Variants in ADCY8 observed in about 807,000 individuals in gnomAD.
ADCY8 encodes the protein adenylate cyclase type 8.
ADCY8 carries 51 observed loss-of-function variants against 119.7 expected under a neutral mutation model. The ratio of observed to expected loss-of-function variants is 0.43; its 90% CI spans 0.34 to 0.54. The LOEUF is 0.54. Ranked by LOEUF, ADCY8 falls within the 20% of genes least tolerant of loss-of-function variation. ADCY8 has a pLI of 0.03. For missense variants in ADCY8, 1,383 were observed against 1,598.8 expected (o/e 0.87, Z 2.30); for synonymous variants, 665 against 651.0 (o/e 1.02, Z -0.33).
chr8:130,840,751 G>T (rs1293746213), intron 11 of ADCY8, among the ~76,000 whole-genome samples: 1 of 152,094 alleles, frequency 6.6e-6, no homozygotes, highest in African/African-American at 2.4e-5. Flanking sequence ...AGAGAACTCT[G>T]ACTCCCATAT....
At chr8:130,781,138 A>G (rs537157644) in intron 17 of ADCY8, among the ~76,000 whole-genome samples, 12 of 152,356 alleles carry the variant, frequency 7.9e-5, no homozygotes, top group Non-Finnish European at 1.5e-4. Context: ...CCACTGTGGC[A>G]TGGTGCCTGG....
intron 5 of ADCY8, among the ~76,000 whole-genome samples, chr8:130,927,420 G>T (rs58121667): frequency 0.042 from 6,398 of 152,110 alleles, 421 homozygotes; most frequent in African/African-American, 0.15. Flanking sequence ...CAGGTCCTTT[G>T]CCCATTTTAA....
chr8:130,889,846 T>G (rs1344395845), intron 7 of ADCY8, among the ~76,000 whole-genome samples: 1 of 152,128 alleles, frequency 6.6e-6, no homozygotes, highest in African/African-American at 2.4e-5. Context: ...TTTTATGCAT[T>G]GAAACATGTA....
At chr8:130,900,009 G>A (rs1830917833) in intron 7 of ADCY8, among the ~76,000 whole-genome samples, 1 of 152,056 alleles carries the variant, frequency 6.6e-6, no homozygotes, top group African/African-American at 2.4e-5. Context: ...TAAACTTCTT[G>A]CCTTCTAGTT....
rs545003779 is a variant in ADCY8 at position 130,943,351 on chromosome 8, A to G, written c.1353T>C (p.His451=). 1 of 1,610,152 alleles carries G rather than the reference A, an allele frequency of 6.2e-7. No homozygotes were observed. Among genetic ancestry groups the G allele is most frequent in the South Asian group, 1.1e-5 (1 of 90,922 alleles). The change falls in exon 4 of 18, where the codon CAT becomes CAC. Residue 451 remains histidine, a splice_region_variant and synonymous_variant. Coordinates refer to ENST00000286355, the MANE Select transcript of ADCY8 (RefSeq NM_001115.3). The part of the protein sequence containing the change: ...ELFARFDRLA[H]EHHCLRIKIL... ...GAGGAGGAAATTAAATTCAACTCAC[A>G]TGGGCCAGTCGATCAAATCTGGCAA...
At chr8:130,969,920 G>A (rs1821872306) in intron 2 of ADCY8, among the ~76,000 whole-genome samples, 1 of 152,154 alleles carries the variant, frequency 6.6e-6, no homozygotes, top group African/African-American at 2.4e-5. Context: ...GAGCTTTATT[G>A]ATGCAGTGTC....
At chr8:130,979,277 C>T (rs770795309) in intron 2 of ADCY8, among the ~76,000 whole-genome samples, 4 of 152,152 alleles carry the variant, frequency 2.6e-5, no homozygotes, top group Non-Finnish European at 5.9e-5. Flanking sequence ...GCTACTGGGT[C>T]TTTTCCTCTG....
At chr8:130,921,873 A>G (rs1820319652) in intron 5 of ADCY8, among the ~76,000 whole-genome samples, 1 of 152,192 alleles carries the variant, frequency 6.6e-6, no homozygotes, top group African/African-American at 2.4e-5. Flanking sequence ...TTCATGTATT[A>G]GAAAGTCTCC....
intron 4 of ADCY8, 189 bp downstream of exon 4, chr8:130,943,162 C>T (rs1368787752): frequency 2.1e-6 from 1 of 478,234 alleles, no homozygotes; most frequent in Non-Finnish European, 3.7e-6. Flanking sequence ...ATCTGACAAA[C>T]CTCCTGCATG....
chr8:130,846,721 C>CCCTT (rs151049495), intron 11 of ADCY8, among the ~76,000 whole-genome samples: 17,799 of 125,102 alleles, frequency 0.14, 1,979 homozygotes, highest in East Asian at 0.2. Context: ...TCCTTCCTTC[C>CCCTT]CCTTCCTTCC....
chr8:130,917,349 T>G (rs1184429068), intron 5 of ADCY8, among the ~76,000 whole-genome samples: 1 of 152,232 alleles, frequency 6.6e-6, no homozygotes, highest in African/African-American at 2.4e-5. Context: ...ATTCCCATTT[T>G]ACAACCAAGG....
chr8:131,022,343 A>G (rs1823696989), intron 1 of ADCY8, among the ~76,000 whole-genome samples: 3 of 151,724 alleles, frequency 2.0e-5, no homozygotes, highest in Admixed American at 2.0e-4. Context: ...TCATTGCTCA[A>G]CTCCCACTTA....
At chr8:130,863,324 T>C (rs1435228307) in intron 9 of ADCY8, among the ~76,000 whole-genome samples, 1 of 152,088 alleles carries the variant, frequency 6.6e-6, no homozygotes, top group Non-Finnish European at 1.5e-5. Context: ...ATGGTATATT[T>C]CTTCATTTCT....
chr8:130,785,416 G>A lies in ADCY8; in HGVS notation c.3120C>T (p.Tyr1040=). The A allele has an allele frequency of 1.2e-6, 2 of 1,609,328 alleles. No homozygotes were observed. The highest frequency in any genetic ancestry group is 1.7e-6 in the Non-Finnish European group (2 of 1,177,754). ...IEKIKTIGST[Y]MAVSGLSPEK... is the part of the protein sequence containing the mutation. ...CAGGTGACAGGCCTGACACGGCCAT[G>A]TAGGTGCTGCCAATGGTCTTAATCT... The change falls in exon 16 of 18, where the codon TAC becomes TAT. Residue 1040 remains tyrosine, a synonymous_variant. Transcript: ENST00000286355.
At chr8:130,868,776 C>T (rs1818220879) in intron 8 of ADCY8, among the ~76,000 whole-genome samples, 1 of 152,140 alleles carries the variant, frequency 6.6e-6, no homozygotes, top group Non-Finnish European at 1.5e-5. Flanking sequence ...TAGTAGCAGG[C>T]AGGTTATTTT....
intron 3 of ADCY8, among the ~76,000 whole-genome samples, chr8:130,946,069 G>T (rs1295591406): frequency 1.3e-5 from 2 of 152,182 alleles, no homozygotes; most frequent in African/African-American, 4.8e-5. Context: ...CAGGCTCTTA[G>T]ATCACTTGGT....
At chr8:130,822,444 G>A (rs1816538740) in intron 12 of ADCY8, among the ~76,000 whole-genome samples, 1 of 152,080 alleles carries the variant, frequency 6.6e-6, no homozygotes, top group Non-Finnish European at 1.5e-5. Context: ...AAGTGAAGAG[G>A]GCTGGACTGT....
At chr8:130,823,028 G>A (rs887664196) in intron 12 of ADCY8, among the ~76,000 whole-genome samples, 11 of 152,144 alleles carry the variant, frequency 7.2e-5, no homozygotes, top group South Asian at 4.1e-4. Context: ...CATGTCCTGC[G>A]TTCAGCTCCT....
chr8:131,016,697 A>G (rs557961231), intron 1 of ADCY8, among the ~76,000 whole-genome samples: 2 of 152,204 alleles, frequency 1.3e-5, no homozygotes, highest in South Asian at 4.2e-4. Flanking sequence ...GAGCAGAGTG[A>G]GAAAGAGAGA....
Sources: gnomAD v4.1 joint callset for allele counts (sites outside exome capture counted in the v4.1 genomes callset) on GRCh38, gnomAD v4.1.1 for gene constraint, MANE v1.5 for transcripts, NCBI Gene and HGNC (gene_info 2026-07-23, HGNC 2026-07-21) for gene names.